QTGAL: variants seen among roughly 807,000 people sequenced by gnomAD.
QTGAL encodes the protein queuosine-tRNA galactosyltransferase.
the QTGAL span, among the ~76,000 whole-genome samples, chr17:83,023,892 T>A: frequency 6.6e-6 from 1 of 152,330 alleles, no homozygotes; most frequent in African/African-American, 2.4e-5. Context: ...AAATGTGTCA[T>A]CACAAAGGAG....
chr17:82,977,141 G>A, the QTGAL span, among the ~76,000 whole-genome samples: 1 of 152,368 alleles, frequency 6.6e-6, no homozygotes, highest in African/African-American at 2.4e-5. Flanking sequence ...GGAGGCAGAG[G>A]AACACTGGGA....
At chr17:82,970,515 C>G in the QTGAL span, among the ~76,000 whole-genome samples, 1 of 151,356 alleles carries the variant, frequency 6.6e-6, no homozygotes, top group Non-Finnish European at 1.5e-5. Context: ...AAACACAGGT[C>G]CTCCCCACCC....
the QTGAL span, among the ~76,000 whole-genome samples, chr17:83,036,141 A>C: frequency 6.6e-6 from 1 of 152,320 alleles, no homozygotes; most frequent in African/African-American, 2.4e-5. Flanking sequence ...CACTGTCATC[A>C]GAGCTCAAAA....
chr17:83,048,510 C>T, the QTGAL span: 21 of 1,613,822 alleles, frequency 1.3e-5, no homozygotes, highest in Admixed American at 1.3e-4. Context: ...CCAATGATCA[C>T]GTGGACACCA....
At chr17:82,949,649 GAGCGTC>G in the QTGAL span, 1 of 152,218 alleles carries the variant, frequency 6.6e-6, no homozygotes, top group Non-Finnish European at 1.5e-5. Flanking sequence ...ACTAAGAAAA[GAGCGTC>G]GGCGTCAGGG....
the QTGAL span, among the ~76,000 whole-genome samples, chr17:82,962,277 CG>C: frequency 6.6e-6 from 1 of 152,244 alleles, no homozygotes; most frequent in African/African-American, 2.4e-5. Context: ...GTTTAACCTC[CG>C]CCTCTCCAGG....
At chr17:82,962,249 G>A in the QTGAL span, among the ~76,000 whole-genome samples, 29 of 152,050 alleles carry the variant, frequency 1.9e-4, no homozygotes, top group South Asian at 8.3e-4. Flanking sequence ...ATGGTTCCAC[G>A]TCCAAAAAAA....
chr17:83,031,645 C>G, the QTGAL span, among the ~76,000 whole-genome samples: 1 of 152,246 alleles, frequency 6.6e-6, no homozygotes, highest in African/African-American at 2.4e-5. Flanking sequence ...CGAGGACAAG[C>G]CGTCTAGGCA....
the QTGAL span, among the ~76,000 whole-genome samples, chr17:83,025,896 G>A: frequency 6.6e-6 from 1 of 152,230 alleles, no homozygotes; most frequent in Non-Finnish European, 1.5e-5. Flanking sequence ...AATGTTCTTT[G>A]CAGGACGTAC....
chr17:82,997,223 G>T, the QTGAL span, among the ~76,000 whole-genome samples: 1 of 152,224 alleles, frequency 6.6e-6, no homozygotes, highest in African/African-American at 2.4e-5. Context: ...CCGATTAAAT[G>T]TGGGCAAAAG....
the QTGAL span, chr17:82,961,307 A>G: frequency 6.0e-6 from 8 of 1,333,324 alleles, no homozygotes; most frequent in Non-Finnish European, 8.0e-6. Flanking sequence ...GTTGCAAAGA[A>G]ACCGGTCTAG....
the QTGAL span, chr17:83,035,182 CTT>C: frequency 6.7e-3 from 6,181 of 926,272 alleles, 1 homozygote; most frequent in East Asian, 8.5e-3. Context: ...ATATGATATT[CTT>C]TTTTTTTTTT....
chr17:83,004,815 G>A, the QTGAL span, among the ~76,000 whole-genome samples: 9 of 151,916 alleles, frequency 5.9e-5, no homozygotes, highest in African/African-American at 1.2e-4. Flanking sequence ...TGCGGTCTGC[G>A]TGTGGGATTA....
At chr17:83,034,098 G>A in the QTGAL span, among the ~76,000 whole-genome samples, 393 of 152,174 alleles carry the variant, frequency 2.6e-3, 1 homozygote, top group Non-Finnish European at 4.6e-3. Flanking sequence ...ACACCACCAC[G>A]CCTGGCTAAT....
chr17:82,986,805 G>A, the QTGAL span, among the ~76,000 whole-genome samples: 24 of 152,222 alleles, frequency 1.6e-4, no homozygotes, highest in East Asian at 1.9e-4. Context: ...TACATGGTGC[G>A]ATCACAAGAA....
chr17:83,048,332 C>G, the QTGAL span: 1 of 772,390 alleles, frequency 1.3e-6, no homozygotes, highest in Non-Finnish European at 2.1e-6. Flanking sequence ...CTGGCCTCTA[C>G]TAGGTTCTTA....
chr17:83,014,585 C>T, the QTGAL span: 1 of 1,558,252 alleles, frequency 6.4e-7, no homozygotes, highest in South Asian at 1.1e-5. Flanking sequence ...TAATACAGTC[C>T]CGCTTTATTG....
chr17:82,961,442 C>A, the QTGAL span: 1 of 508,726 alleles, frequency 2.0e-6, no homozygotes, highest in Non-Finnish European at 3.6e-6. Flanking sequence ...CCATTTTGAG[C>A]AGTAAAGGTC....
the QTGAL span, chr17:83,051,744 G>T: frequency 6.7e-7 from 1 of 1,497,572 alleles, no homozygotes. Flanking sequence ...TACCACGTGG[G>T]CCTGCATGGC....
Sources: allele counts gnomAD v4.1 joint callset (sites outside exome capture counted in the v4.1 genomes callset), GRCh38; gene constraint gnomAD v4.1.1; transcripts MANE v1.5; gene names NCBI Gene and HGNC (gene_info 2026-07-23, HGNC 2026-07-21).